The following TEAD1 variants were observed in gnomAD, a reference collection of about 807,000 sequenced individuals.
TEAD1 encodes the protein transcriptional enhancer factor TEF-1.
TEAD1 carries 9 observed loss-of-function variants against 54.9 expected under a neutral mutation model. That is an observed-to-expected ratio of 0.16 (90% CI 0.10 to 0.29). TEAD1 has a LOEUF of 0.29. TEAD1 is among the 10% of genes least tolerant of loss of function. The probability of loss-of-function intolerance (pLI) is 1.00; values close to 1 mark genes in which losing one functional copy is unlikely to be tolerated. For missense variants in TEAD1, 387 were observed against 535.9 expected, an observed-to-expected ratio of 0.72 and a Z score of 2.74; for synonymous variants, 200 against 187.8, an observed-to-expected ratio of 1.07 and a Z score of -0.53.
chr11:12,889,873 C>T (rs913154702), intron 9 of TEAD1, among the ~76,000 whole-genome samples: 1 of 152,052 alleles, frequency 6.6e-6, no homozygotes, highest in Admixed American at 6.6e-5. Flanking sequence ...AGGCATGCAC[C>T]ACCACACCCA....
At chr11:12,759,268 T>C (rs1353001574) in intron 2 of TEAD1, among the ~76,000 whole-genome samples, 2 of 152,156 alleles carry the variant, frequency 1.3e-5, no homozygotes, top group East Asian at 1.9e-4. Flanking sequence ...TGCATTGGAC[T>C]GTCTTATCCC....
At chr11:12,735,538 C>G (rs1944512750) in intron 2 of TEAD1, among the ~76,000 whole-genome samples, 1 of 151,782 alleles carries the variant, frequency 6.6e-6, no homozygotes, top group African/African-American at 2.4e-5. Context: ...TCTGCCCGCC[C>G]TCCTTGTCGC....
At chr11:12,753,645 A>G (rs1243767035) in intron 2 of TEAD1, among the ~76,000 whole-genome samples, 1 of 152,120 alleles carries the variant, frequency 6.6e-6, no homozygotes, top group Non-Finnish European at 1.5e-5. Context: ...GATGAAGGAT[A>G]TGAGTCTCTG....
At chr11:12,752,833 A>G (rs1944902530) in intron 2 of TEAD1, among the ~76,000 whole-genome samples, 1 of 144,768 alleles carries the variant, frequency 6.9e-6, no homozygotes, top group African/African-American at 2.7e-5. Context: ...ATTCTATTTT[A>G]TGAATATGCT....
At chr11:12,850,880 G>A (rs1947259375) in intron 3 of TEAD1, among the ~76,000 whole-genome samples, 2 of 152,284 alleles carry the variant, frequency 1.3e-5, no homozygotes, top group South Asian at 2.1e-4. Context: ...AAGTGGCAGG[G>A]ACATGGGTAT....
chr11:12,933,099 A>T (rs189378604), intron 12 of TEAD1, among the ~76,000 whole-genome samples: 1 of 152,192 alleles, frequency 6.6e-6, no homozygotes, highest in Non-Finnish European at 1.5e-5. Context: ...GTTGGTTCGC[A>T]TGACAAAACC....
intron 7 of TEAD1, among the ~76,000 whole-genome samples, chr11:12,881,415 T>C (rs890613923): frequency 1.3e-5 from 2 of 152,050 alleles, no homozygotes; most frequent in African/African-American, 2.4e-5. Context: ...AGCCCTGTAG[T>C]AGGATGGCTA....
rs1390391601 is a variant in TEAD1 at position 12,941,352 on chromosome 11, C to T, written c.*4130C>T. ...AATTTCTATTTGGTAAGCATCCTAG[C>T]AGCAAAGTCCTGCACTCAGACCAGC... On this transcript the variant is annotated 3_prime_UTR_variant, in exon 13 of 13. Transcript: ENST00000527636. 1 of 152,190 alleles carries T rather than the reference C, an allele frequency of 6.6e-6. No homozygotes were observed. The highest frequency in any genetic ancestry group is 1.5e-5 in the Non-Finnish European group (1 of 68,030). 9.4% of individuals were successfully genotyped at this position (152,190 alleles called of 1,614,324 possible). A position where few individuals can be genotyped will look rare whatever the true frequency, so the allele number is the denominator to read the frequency against.
chr11:12,781,951 C>CAAAAAAAAAAAAAA (rs71454001), intron 3 of TEAD1, among the ~76,000 whole-genome samples: 3 of 65,324 alleles, frequency 4.6e-5, no homozygotes, highest in African/African-American at 1.6e-4. Context: ...CTCGTCTGTA[C>CAAAAAAAAAAAAAA]AAAAAAAAAA....
intron 2 of TEAD1, among the ~76,000 whole-genome samples, chr11:12,752,071 CA>C (rs1326827133): frequency 6.6e-6 from 1 of 152,174 alleles, no homozygotes. Context: ...AGACAAATCC[CA>C]TTGGCTGTTT....
chr11:12,717,703 G>C (rs1944093762), intron 2 of TEAD1, among the ~76,000 whole-genome samples: 1 of 152,166 alleles, frequency 6.6e-6, no homozygotes, highest in African/African-American at 2.4e-5. Flanking sequence ...GAGCTAGTAG[G>C]GGTCTGTACC....
At chr11:12,752,603 A>G (rs1354908475) in intron 2 of TEAD1, among the ~76,000 whole-genome samples, 2 of 151,850 alleles carry the variant, frequency 1.3e-5, no homozygotes, top group Non-Finnish European at 2.9e-5. Context: ...TGCAGTTGTC[A>G]TTTATTTATA....
intron 9 of TEAD1, among the ~76,000 whole-genome samples, chr11:12,886,947 C>A (rs1948098012): frequency 6.6e-6 from 1 of 152,170 alleles, no homozygotes; most frequent in Non-Finnish European, 1.5e-5. Flanking sequence ...AGCTCTGTCA[C>A]TGCTGTGAAA....
At chr11:12,768,118 C>G (rs187303501) in intron 3 of TEAD1, among the ~76,000 whole-genome samples, 3 of 152,322 alleles carry the variant, frequency 2.0e-5, no homozygotes, top group Admixed American at 2.0e-4. Flanking sequence ...CTAACCTTCA[C>G]TGGTTGCTTG....
chr11:12,707,531 T>C (rs1352806922), intron 2 of TEAD1, among the ~76,000 whole-genome samples: 1 of 152,256 alleles, frequency 6.6e-6, no homozygotes, highest in Non-Finnish European at 1.5e-5. Context: ...GCTCTGCCTA[T>C]TTATTCTTCA....
chr11:12,806,520 A>C (rs931992359), intron 3 of TEAD1, among the ~76,000 whole-genome samples: 2 of 151,818 alleles, frequency 1.3e-5, no homozygotes, highest in Non-Finnish European at 3.0e-5. Context: ...AAGGCTCCTC[A>C]CCCTGGGAGG....
rs139413157 is a variant in TEAD1 at position 12,930,169 on chromosome 11, C to T, written c.1015-5C>T. On this transcript the variant is annotated splice_region_variant and splice_polypyrimidine_tract_variant and intron_variant, in intron 11 of 12. Coordinates refer to ENST00000527636, the MANE Select transcript of TEAD1 (RefSeq NM_021961.6). ...AAAAATACTGAAATCCTTTTTTCCT[C>T]ACAGACGGAGTATGCAAGGTTTGAG... 7.0e-5 allele frequency: 113 copies of T among 1,613,936 alleles called. No individual in the cohort carries two copies. In the East Asian group the frequency reaches 2.3e-3, roughly 32 times the overall value.
intron 3 of TEAD1, among the ~76,000 whole-genome samples, chr11:12,820,471 C>G (rs776825341): frequency 7.2e-5 from 11 of 152,112 alleles, no homozygotes; most frequent in Non-Finnish European, 8.8e-5. Context: ...AAACCATGAT[C>G]TCAGATCTTA....
chr11:12,739,668 A>G (rs181309906), intron 2 of TEAD1, among the ~76,000 whole-genome samples: 3 of 152,322 alleles, frequency 2.0e-5, no homozygotes, highest in Admixed American at 2.0e-4. Context: ...AACCTCAAGC[A>G]TATGTGAAAT....
Sources: gnomAD v4.1 joint callset for allele counts (sites outside exome capture counted in the v4.1 genomes callset) on GRCh38, gnomAD v4.1.1 for gene constraint, MANE v1.5 for transcripts, NCBI Gene and HGNC (gene_info 2026-07-23, HGNC 2026-07-21) for gene names.